ERBB4: variants seen among roughly 807,000 people sequenced by gnomAD.
ERBB4 encodes erb-b2 receptor tyrosine kinase 4, also known as receptor tyrosine-protein kinase erbB-4.
In ERBB4, 42 loss-of-function variants were observed where a neutral mutation model predicts 158.0. That is an observed-to-expected ratio of 0.27 (90% CI 0.21 to 0.34). ERBB4 has a LOEUF of 0.34. Among genes scored for constraint, ERBB4 ranks in the 10% least tolerant of loss-of-function variants. The pLI is 1.00. For missense variants in ERBB4, 1,333 were observed against 1,624.1 expected (o/e 0.82, Z 3.08); for synonymous variants, 583 against 558.7 (o/e 1.04, Z -0.61).
chr2:212,330,567 C>G (rs1036586012), intron 1 of ERBB4, among the ~76,000 whole-genome samples: 1 of 151,938 alleles, frequency 6.6e-6, no homozygotes, highest in Non-Finnish European at 1.5e-5. Flanking sequence ...GAGATGAGAT[C>G]ACACCACTGC....
intron 20 of ERBB4, among the ~76,000 whole-genome samples, chr2:211,488,815 G>A (rs1357763506): frequency 6.6e-6 from 1 of 151,986 alleles, no homozygotes; most frequent in Admixed American, 6.6e-5. Context: ...ACATTGCAGA[G>A]TAAAAAGGTG....
chr2:211,586,477 G>A (rs1224401384), intron 19 of ERBB4, among the ~76,000 whole-genome samples: 4 of 152,112 alleles, frequency 2.6e-5, no homozygotes, highest in African/African-American at 9.7e-5. Flanking sequence ...TATTGATCTG[G>A]TCAGCAAGTT....
intron 1 of ERBB4, among the ~76,000 whole-genome samples, chr2:212,485,534 A>G (rs1560455682): frequency 6.6e-6 from 1 of 152,222 alleles, no homozygotes; most frequent in Non-Finnish European, 1.5e-5. Flanking sequence ...AGCAGCAGTA[A>G]GTGAAGACAG....
At chr2:212,126,768 TA>T (rs1272751378) in intron 1 of ERBB4, among the ~76,000 whole-genome samples, 2 of 151,994 alleles carry the variant, frequency 1.3e-5, no homozygotes, top group African/African-American at 4.8e-5. Flanking sequence ...TACACAGAAG[TA>T]AAAAAGATGC....
At chr2:211,768,447 C>T (rs140414479) in intron 4 of ERBB4, among the ~76,000 whole-genome samples, 2 of 152,198 alleles carry the variant, frequency 1.3e-5, no homozygotes, top group Non-Finnish European at 2.9e-5. Flanking sequence ...CCCCACTTTG[C>T]CCTTCCGTAC....
At chr2:212,052,290 T>A (rs1338368161) in intron 2 of ERBB4, among the ~76,000 whole-genome samples, 1 of 151,866 alleles carries the variant, frequency 6.6e-6, no homozygotes, top group East Asian at 1.9e-4. Flanking sequence ...GCCAGGGGGG[T>A]CTTGGGCCTT....
intron 1 of ERBB4, among the ~76,000 whole-genome samples, chr2:212,448,279 A>G (rs80025881): frequency 0.037 from 5,683 of 152,258 alleles, 146 homozygotes; most frequent in Non-Finnish European, 0.055. Flanking sequence ...TTTCAAAGGA[A>G]GAAGACTGGA....
chr2:212,061,213 T>C (rs1184230186), intron 2 of ERBB4, among the ~76,000 whole-genome samples: 1 of 151,400 alleles, frequency 6.6e-6, no homozygotes, highest in Non-Finnish European at 1.5e-5. Context: ...TGCCAGCATT[T>C]TGGGAGGCTG....
intron 5 of ERBB4, 28 bp downstream of exon 5, chr2:211,750,611 C>G (rs781279866): frequency 6.3e-7 from 1 of 1,597,942 alleles, no homozygotes; most frequent in Non-Finnish European, 8.6e-7. Context: ...CACATCAAAC[C>G]TGTGTGCTCT....
At chr2:211,416,839 A>G (rs1183689044) in intron 25 of ERBB4, among the ~76,000 whole-genome samples, 1 of 147,892 alleles carries the variant, frequency 6.8e-6, no homozygotes, top group African/African-American at 2.5e-5. Context: ...TTAACCCTAC[A>G]CAGCTTTCCC....
chr2:211,539,335 TG>T (rs2066737160), intron 20 of ERBB4, among the ~76,000 whole-genome samples: 1 of 151,950 alleles, frequency 6.6e-6, no homozygotes, highest in Non-Finnish European at 1.5e-5. Context: ...TTCCATCAAT[TG>T]TAAAAACTTT....
intron 1 of ERBB4, among the ~76,000 whole-genome samples, chr2:212,425,188 T>C (rs948470457): frequency 4.0e-5 from 6 of 151,242 alleles, no homozygotes; most frequent in Middle Eastern, 3.3e-3. Context: ...GAAGTAAAAG[T>C]AAATCAAATT....
intron 12 of ERBB4, among the ~76,000 whole-genome samples, chr2:211,692,752 A>G (rs78704771): frequency 6.6e-6 from 1 of 152,122 alleles, no homozygotes; most frequent in Admixed American, 6.5e-5. Context: ...TAATCATTCT[A>G]TTTTAAGATC....
chr2:211,686,876 A>G (rs2072578836), intron 12 of ERBB4, among the ~76,000 whole-genome samples: 1 of 152,130 alleles, frequency 6.6e-6, no homozygotes, highest in Non-Finnish European at 1.5e-5. Flanking sequence ...TGGAGGGGGT[A>G]TTCTTTCTTC....
At chr2:211,525,869 G>C (rs2066333355) in intron 20 of ERBB4, among the ~76,000 whole-genome samples, 2 of 152,062 alleles carry the variant, frequency 1.3e-5, no homozygotes, top group Admixed American at 1.3e-4. Flanking sequence ...CCTGTGGAAA[G>C]GGGAGGGAAG....
chr2:212,438,256 T>A (rs868713426), intron 1 of ERBB4, among the ~76,000 whole-genome samples: 2 of 152,244 alleles, frequency 1.3e-5, no homozygotes, highest in Middle Eastern at 6.8e-3. Context: ...CTAGCTTTAA[T>A]TATTGCTTAC....
intron 3 of ERBB4, among the ~76,000 whole-genome samples, chr2:211,886,526 A>C (rs1008488223): frequency 2.6e-5 from 4 of 152,218 alleles, no homozygotes; most frequent in Non-Finnish European, 5.9e-5. Context: ...AAAAATAAAC[A>C]TGTGCCCACT....
At chr2:211,749,771 T>C (rs1025422908) in intron 5 of ERBB4, among the ~76,000 whole-genome samples, 4 of 152,166 alleles carry the variant, frequency 2.6e-5, no homozygotes, top group Non-Finnish European at 5.9e-5. Flanking sequence ...AAGAGTGTAA[T>C]ATTTGTATGT....
chr2:211,383,720 G>T lies in ERBB4; in HGVS notation c.3822C>A (p.Ile1274=), dbSNP rs765667429. 6.2e-7 allele frequency: 1 copy of T among 1,614,042 alleles called. No individual in the cohort carries two copies. Among genetic ancestry groups the T allele is most frequent in the Non-Finnish European group, 8.5e-7 (1 of 1,179,964 alleles). The change falls in exon 28 of 28, where the codon ATC becomes ATA. Residue 1274 remains isoleucine, a synonymous_variant. Transcript: ENST00000342788. The stretch of plus-strand genomic sequence containing the variant: ...CAGGATTCTCTGCCACAATAGGCCG[G>T]ATCCGCCCATTCTGTTTATAAAAAT... ...TKYFYKQNGR[I]RPIVAENPEY...
Sources: allele counts gnomAD v4.1 joint callset (sites outside exome capture counted in the v4.1 genomes callset), GRCh38; gene constraint gnomAD v4.1.1; transcripts MANE v1.5; gene names NCBI Gene and HGNC (gene_info 2026-07-23, HGNC 2026-07-21).